The following RARA variants were observed in gnomAD, a reference collection of about 807,000 sequenced individuals.
The protein encoded by RARA is PML-DDX5-RARA fusion.
In RARA, 5 loss-of-function variants were observed where a neutral mutation model predicts 42.8. The ratio of observed to expected loss-of-function variants is 0.12; its 90% confidence interval spans 0.06 to 0.25. RARA has a LOEUF of 0.25. Ranked by LOEUF, RARA falls within the 10% of genes least tolerant of loss-of-function variation. The pLI is 1.00. For synonymous variants in RARA, 256 were observed against 259.5 expected, an observed-to-expected ratio of 0.99 and a Z score of 0.13; for missense variants, 402 against 628.7, an observed-to-expected ratio of 0.64 and a Z score of 3.86.
rs2034248950 is a variant in RARA, at chr17:40,345,821, G to A, written c.179-2495G>A. ...GAGTTATGGCCGTGTCCTAACTCTT[G>A]CAGAGGCTGTGAGGATTCCGGAGTT... On this transcript the variant is annotated intron_variant, in intron 2 of 8. Coordinates refer to ENST00000254066, the MANE Select transcript of RARA (RefSeq NM_000964.4). The surrounding 1 kb of genome is among the most constrained non-coding windows in gnomAD (Gnocchi z 4.8). 2.0e-5 allele frequency among the ~76,000 whole-genome samples: 3 copies of A among 152,168 alleles called. No homozygotes were observed. The South Asian group carries it at 6.2e-4, about 31-fold the overall frequency.
chr17:40,311,512 A>G (rs955651658), intron 1 of RARA, among the ~76,000 whole-genome samples: 3 of 152,116 alleles, frequency 2.0e-5, no homozygotes, highest in Admixed American at 6.5e-5. Context: ...CCATTCCCAT[A>G]GCCCCACTTT....
Position 40,355,881 on chromosome 17 carries a change from A to G in RARA, c.1172-128A>G. On this transcript the variant is annotated intron_variant, in intron 8 of 8. Transcript: ENST00000254066. This position sits in a 1 kb window ranked among gnomAD's most constrained non-coding sequence, Gnocchi z 4.1. The stretch of plus-strand genomic sequence containing the variant: ...GCTTAAGAGAGCTGGCTCGTGTCAA[A>G]GAACTGAATCCCAAGAAAGATGCTA... 1 of 886,864 alleles carries G rather than the reference A, an allele frequency of 1.1e-6. No individual in the cohort carries two copies. The highest frequency in any genetic ancestry group is 1.7e-6 in the Non-Finnish European group (1 of 584,446). The allele number at this position is 886,864 out of a possible 1,614,324, so 54.9% of individuals were successfully genotyped here.
chr17:40,339,566 C>T (rs1201123203), intron 2 of RARA, among the ~76,000 whole-genome samples: 3 of 152,166 alleles, frequency 2.0e-5, no homozygotes, highest in Non-Finnish European at 4.4e-5. Flanking sequence ...CTAGCTTCTC[C>T]TCTCCAGCTC....
rs769214510 is a variant in RARA at position 40,355,610 on chromosome 17, C to G, written c.1171+189C>G. 1.6e-4 allele frequency among the ~76,000 whole-genome samples: 24 copies of G among 152,354 alleles called. No homozygotes were observed. Among genetic ancestry groups the G allele is most frequent in the Non-Finnish European group, 3.5e-4 (24 of 68,034 alleles). On this transcript the variant is annotated intron_variant, in intron 8 of 8. Coordinates refer to ENST00000254066, the MANE Select transcript of RARA (RefSeq NM_000964.4). The surrounding 1 kb of genome is among the most constrained non-coding windows in gnomAD (Gnocchi z 4.1). ...CCTGTGTCACCTTTGTGTGGTAGTT[C>G]AGATCGTGGCTCTGGAACCAGACAC...
chr17:40,350,707 G>T (rs568723436), intron 4 of RARA, among the ~76,000 whole-genome samples: 1 of 152,020 alleles, frequency 6.6e-6, no homozygotes, highest in South Asian at 2.1e-4. Context: ...GCAGTGGGGA[G>T]GGGGCACGGG....
chr17:40,337,152 C>T (rs1288561189), intron 2 of RARA, among the ~76,000 whole-genome samples: 1 of 152,238 alleles, frequency 6.6e-6, no homozygotes, highest in Non-Finnish European at 1.5e-5. Flanking sequence ...ACAGAGGACA[C>T]AGTGCTGGGG....
At chr17:40,349,739 C>T in intron 3 of RARA, 45 bp from the exon 4 acceptor site, 2 of 1,610,000 alleles carry the variant, frequency 1.2e-6, no homozygotes, top group Non-Finnish European at 1.7e-6. Flanking sequence ...GGCACTGCTC[C>T]CACTGTGGGT....
At chr17:40,309,977 T>C (rs1044849449) in intron 1 of RARA, among the ~76,000 whole-genome samples, 3 of 152,168 alleles carry the variant, frequency 2.0e-5, no homozygotes, top group Admixed American at 2.0e-4. Flanking sequence ...TTGTAAGATC[T>C]AGAAGCTTTG....
chr17:40,342,871 C>T lies in RARA; in HGVS notation c.179-5445C>T, dbSNP rs367850336. 9.3e-6 allele frequency: 15 copies of T among 1,609,154 alleles called. No homozygotes were observed. The Admixed American group carries it at 2.0e-4, about 22-fold the overall frequency. ...CTTTGGAATGGCTCAAACCACTGTA[C>T]GTACCGGCCTCTCAGTCTGCTGTTG... On this transcript the variant is annotated intron_variant, in intron 2 of 8. Coordinates refer to ENST00000254066, the MANE Select transcript of RARA (RefSeq NM_000964.4).
chr17:40,315,171 TACACACAC>T (rs71355449), intron 1 of RARA, among the ~76,000 whole-genome samples: 2 of 76,568 alleles, frequency 2.6e-5, no homozygotes, highest in African/African-American at 5.9e-5. Flanking sequence ...TATATATATA[TACACACAC>T]ACACACACAC....
intron 3 of RARA, 185 bp downstream of exon 3, chr17:40,348,649 G>A (rs901936119): frequency 4.5e-6 from 3 of 667,650 alleles, no homozygotes; most frequent in Non-Finnish European, 6.8e-6. Flanking sequence ...CCATAAATGT[G>A]CAGGGCTCCC....
At chr17:40,332,526 G>A (rs1205108300) in intron 2 of RARA, among the ~76,000 whole-genome samples, 2 of 152,184 alleles carry the variant, frequency 1.3e-5, no homozygotes, top group Non-Finnish European at 2.9e-5. Flanking sequence ...CGGAGCCAGG[G>A]AGTCTCTTTG....
At position 40,351,863 on chromosome 17, in the gene RARA, C is replaced by G; in HGVS notation, c.470-47C>G. 1 of 1,582,214 alleles carries G rather than the reference C, an allele frequency of 6.3e-7. No homozygotes were observed. Among genetic ancestry groups the G allele is most frequent in the Non-Finnish European group, 8.5e-7 (1 of 1,171,236 alleles). On this transcript the variant is annotated intron_variant, in intron 4 of 8. Transcript: ENST00000254066. The surrounding 1 kb of genome is among the most constrained non-coding windows in gnomAD (Gnocchi z 4.1). ...CTGTCAGGCTGGGGGTGGACGAGGC[C>G]CTGAGCAGCCTGCAGCTGCCCTCTT...
chr17:40,349,615 C>G (rs371288085), intron 3 of RARA, 169 bp from the exon 4 acceptor site: 1 of 775,806 alleles, frequency 1.3e-6, no homozygotes, highest in Non-Finnish European at 2.0e-6. Context: ...GAGGAGGATC[C>G]TTTTAGGTGA....
intron 1 of RARA, among the ~76,000 whole-genome samples, 153 bp from the exon 2 acceptor site, chr17:40,330,704 C>T (rs2033667988): frequency 6.6e-6 from 1 of 152,208 alleles, no homozygotes; most frequent in Non-Finnish European, 1.5e-5. Context: ...GCCCTGCTTC[C>T]AGGTCATCTC....
At chr17:40,353,349 C>T (rs575163892) in intron 6 of RARA, among the ~76,000 whole-genome samples, 4 of 152,152 alleles carry the variant, frequency 2.6e-5, no homozygotes, top group African/African-American at 9.7e-5. Context: ...GGAGGGAGCA[C>T]TCTCCTTCCT....
At chr17:40,348,059 T>G in intron 2 of RARA, 16 of 367,492 alleles carry the variant, frequency 4.4e-5, no homozygotes, top group East Asian at 8.7e-5. Flanking sequence ...ACAAATGTGA[T>G]GGTTTATCAT....
In RARA at chr17:40,356,704, A is replaced by G. The variant is rs1169290360; in HGVS notation, c.*478A>G. 1.9e-6 allele frequency: 1 copy of G among 540,228 alleles called. No homozygotes were observed. Among genetic ancestry groups the G allele is most frequent in the Admixed American group, 2.3e-5 (1 of 43,988 alleles). The allele number at this position is 540,228 out of a possible 1,614,324, so 33.5% of individuals were successfully genotyped here. A position where few individuals can be genotyped will look rare whatever the true frequency, so the allele number is the denominator to read the frequency against. On this transcript the variant is annotated 3_prime_UTR_variant, in exon 9 of 9. Coordinates refer to ENST00000254066, the MANE Select transcript of RARA (RefSeq NM_000964.4). ...GGGTTCCCCCTGTACATACCCTGCC[A>G]TACCAACCCCAGGTATTAATTCTCG...
At chr17:40,315,292 C>T (rs962557758) in intron 1 of RARA, among the ~76,000 whole-genome samples, 8 of 151,448 alleles carry the variant, frequency 5.3e-5, no homozygotes, top group Admixed American at 5.3e-4. Context: ...CCTGGCGTCC[C>T]ATCTTGGCCT....
Sources: allele counts gnomAD v4.1 joint callset (sites outside exome capture counted in the v4.1 genomes callset), GRCh38; gene constraint gnomAD v4.1.1; non-coding constraint Gnocchi (gnomAD v3.1); transcripts MANE v1.5; gene names NCBI Gene and HGNC (gene_info 2026-07-23, HGNC 2026-07-21).